Variants in CERS4 observed in about 807,000 individuals in gnomAD.
The protein encoded by CERS4 is LAG1 homolog, ceramide synthase 4.
Under a neutral mutation model 51.8 loss-of-function variants are expected in CERS4, and 65 were observed. That is an observed-to-expected ratio of 1.26 (90% CI 1.03 to 1.54). CERS4 has a LOEUF of 1.54. CERS4 is among the 40% of genes most tolerant of loss of function. CERS4 has a pLI of 0.00. For missense variants in CERS4, 563 were observed against 500.4 expected (o/e 1.13, Z -1.19); for synonymous variants, 228 against 208.4 (o/e 1.09, Z -0.81).
At chr19:8,235,029 A>ATTT in intron 2 of CERS4, among the ~76,000 whole-genome samples, 1 of 109,206 alleles carries the variant, frequency 9.2e-6, no homozygotes, top group South Asian at 3.1e-4. Flanking sequence ...TTTTTTTCAG[A>ATTT]CAGAGTTTCA....
At chr19:8,235,404 A>G (rs1968205407) in intron 2 of CERS4, among the ~76,000 whole-genome samples, 1 of 151,418 alleles carries the variant, frequency 6.6e-6, no homozygotes, top group Non-Finnish European at 1.5e-5. Flanking sequence ...CTGGGATTAC[A>G]GGGCCATCTT....
At chr19:8,256,137 C>A in intron 6 of CERS4, 99 bp from the exon 7 acceptor site, 1 of 1,275,388 alleles carries the variant, frequency 7.8e-7, no homozygotes, top group Non-Finnish European at 1.1e-6. Flanking sequence ...GTGAAGGTAG[C>A]ATCTATGTGA....
At chr19:8,225,956 G>A (rs1208021120) in intron 2 of CERS4, among the ~76,000 whole-genome samples, 1 of 151,946 alleles carries the variant, frequency 6.6e-6, no homozygotes, top group Non-Finnish European at 1.5e-5. Flanking sequence ...AGCACTTTGG[G>A]AGGCCAAGGC....
chr19:8,254,154 C>T (rs1216219447), intron 3 of CERS4, among the ~76,000 whole-genome samples: 1 of 151,620 alleles, frequency 6.6e-6, no homozygotes, highest in Admixed American at 6.6e-5. Context: ...AACCCCGTCT[C>T]TACTAAAAAA....
intron 2 of CERS4, among the ~76,000 whole-genome samples, chr19:8,249,060 ATG>A: frequency 7.4e-6 from 1 of 134,536 alleles, no homozygotes; most frequent in African/African-American, 3.5e-5. Context: ...GGATAGGTGG[ATG>A]ATGAATAATG....
chr19:8,231,866 T>TG (rs1968024524), intron 2 of CERS4, among the ~76,000 whole-genome samples: 1 of 147,108 alleles, frequency 6.8e-6, no homozygotes, highest in South Asian at 2.2e-4. Flanking sequence ...TTTTTTTTTT[T>TG]TTTTTTTAGA....
chr19:8,209,614 C>G (rs1967004604), intron 1 of CERS4, 120 bp downstream of exon 1: 1 of 152,266 alleles, frequency 6.6e-6, no homozygotes, highest in African/African-American at 2.4e-5. Flanking sequence ...TGGGCTCCAG[C>G]CCCCATCACC....
chr19:8,225,903 A>G (rs1034445320), intron 2 of CERS4, among the ~76,000 whole-genome samples: 1 of 151,838 alleles, frequency 6.6e-6, no homozygotes. Flanking sequence ...CATCTGTGAA[A>G]TGAGAATGGT....
chr19:8,209,411 G>C lies in CERS4; in HGVS notation c.-242G>C, dbSNP rs980729897. On this transcript the variant is annotated 5_prime_UTR_variant, in exon 1 of 12. Transcript: ENST00000251363. ...TGCCTGGGGCGGGCGGCGCGTGTCTGCAGCTGCTCCGGGTAGCCCGCTAGG... is the reference window on the plus strand; with the variant it reads ...TGCCTGGGGCGGGCGGCGCGTGTCTCCAGCTGCTCCGGGTAGCCCGCTAGG... 3 of 150,974 alleles carry C rather than the reference G, an allele frequency of 2.0e-5. No homozygotes were observed. The highest frequency in any genetic ancestry group is 7.3e-5 in the African/African-American group (3 of 41,248). 9.4% of individuals were successfully genotyped at this position (150,974 alleles called of 1,614,324 possible). A position where few individuals can be genotyped will look rare whatever the true frequency, so the allele number is the denominator to read the frequency against.
At chr19:8,222,602 A>G (rs1427148003) in intron 2 of CERS4, among the ~76,000 whole-genome samples, 1 of 150,030 alleles carries the variant, frequency 6.7e-6, no homozygotes, top group African/African-American at 2.5e-5. Context: ...GGGTTCAAGC[A>G]ATTCTCCTGC....
At chr19:8,215,346 G>A (rs552011280) in intron 2 of CERS4, among the ~76,000 whole-genome samples, 3 of 152,186 alleles carry the variant, frequency 2.0e-5, no homozygotes, top group Admixed American at 6.5e-5. Flanking sequence ...AGGTGCAGCG[G>A]TGTGTGCCTG....
chr19:8,254,425 G>A, intron 3 of CERS4, 74 bp from the exon 4 acceptor site: 1 of 1,377,552 alleles, frequency 7.3e-7, no homozygotes, highest in Non-Finnish European at 1.0e-6. Flanking sequence ...CCCACCGGCA[G>A]CATGTCTGCC....
intron 10 of CERS4, among the ~76,000 whole-genome samples, chr19:8,258,417 A>G (rs1330689539): frequency 6.6e-6 from 1 of 152,178 alleles, no homozygotes; most frequent in African/African-American, 2.4e-5. Context: ...ACAAGAAAAT[A>G]AATTTGACGG....
At chr19:8,229,494 G>A (rs566661514) in intron 2 of CERS4, among the ~76,000 whole-genome samples, 2 of 151,950 alleles carry the variant, frequency 1.3e-5, no homozygotes, top group African/African-American at 4.8e-5. Flanking sequence ...TGCAACCTCC[G>A]TCTCCTGGGT....
chr19:8,251,037 C>A, intron 2 of CERS4, 39 bp from the exon 3 acceptor site: 1 of 1,538,954 alleles, frequency 6.5e-7, no homozygotes, highest in Non-Finnish European at 8.8e-7. Flanking sequence ...ACCCATTCTG[C>A]TTGCAGACCT....
At chr19:8,261,523 G>A (rs993004648) in intron 10 of CERS4, 165 bp from the exon 11 acceptor site, 7 of 715,904 alleles carry the variant, frequency 9.8e-6, no homozygotes, top group Middle Eastern at 4.1e-4. Context: ...GCGAGAGGGG[G>A]CCTCGCGTGC....
chr19:8,227,886 G>A (rs904378537), intron 2 of CERS4, among the ~76,000 whole-genome samples: 5 of 151,974 alleles, frequency 3.3e-5, no homozygotes, highest in Admixed American at 2.0e-4. Context: ...GTTTTGAGAC[G>A]GAGTCTCACT....
intron 2 of CERS4, among the ~76,000 whole-genome samples, chr19:8,233,172 A>AT (rs201416874): frequency 0.013 from 1,886 of 150,414 alleles, 37 homozygotes; most frequent in African/African-American, 0.044. Flanking sequence ...CACTCGGCTA[A>AT]TTTTTTTTTG....
intron 2 of CERS4, among the ~76,000 whole-genome samples, chr19:8,243,086 CAG>C (rs1209890184): frequency 1.3e-5 from 2 of 149,366 alleles, no homozygotes; most frequent in Non-Finnish European, 3.0e-5. Context: ...ACCAGTGACT[CAG>C]AAGGCTGAGG....
Sources: gnomAD v4.1 joint callset for allele counts (sites outside exome capture counted in the v4.1 genomes callset) on GRCh38, gnomAD v4.1.1 for gene constraint, MANE v1.5 for transcripts, NCBI Gene and HGNC (gene_info 2026-07-23, HGNC 2026-07-21) for gene names.